Variants in HECW1 observed in about 807,000 individuals in gnomAD.
The protein encoded by HECW1 is HECT, C2 and WW domain containing E3 ubiquitin protein ligase 1.
In HECW1, 61 loss-of-function variants were observed where a neutral mutation model predicts 182.3. The observed-to-expected ratio is 0.33, with a 90% CI of 0.27 to 0.41. The LOEUF (loss-of-function observed/expected upper bound fraction) is 0.41, where lower values mean the gene tolerates loss of function less well. HECW1 is among the 10% of genes least tolerant of loss of function. HECW1 has a pLI of 1.00. For missense variants in HECW1, 1,739 were observed against 2,108.9 expected, an observed-to-expected ratio of 0.82 and a Z score of 3.44; for synonymous variants, 859 against 832.6, an observed-to-expected ratio of 1.03 and a Z score of -0.55.
chr7:43,320,575 C>A, intron 4 of HECW1, 60 bp from the exon 5 acceptor site: 2 of 1,170,450 alleles, frequency 1.7e-6, no homozygotes, highest in South Asian at 1.3e-5. Context: ...CTTTTATTCC[C>A]CTAAATATGC....
intron 2 of HECW1, among the ~76,000 whole-genome samples, chr7:43,219,533 C>G (rs967805236): frequency 2.6e-5 from 4 of 152,084 alleles, no homozygotes; most frequent in Non-Finnish European, 1.5e-5. Context: ...CAATTCCTGT[C>G]CCTTTAAAGG....
chr7:43,229,211 C>G (rs1364847019), intron 2 of HECW1, among the ~76,000 whole-genome samples: 2 of 152,134 alleles, frequency 1.3e-5, no homozygotes, highest in African/African-American at 2.4e-5. Flanking sequence ...CAGCTGACAC[C>G]AAATAGGAGT....
At chr7:43,304,750 T>C (rs961024256) in intron 3 of HECW1, among the ~76,000 whole-genome samples, 30 of 152,186 alleles carry the variant, frequency 2.0e-4, no homozygotes, top group Non-Finnish European at 2.4e-4. Context: ...CGCCTTGGCC[T>C]CCCAAAGTGT....
chr7:43,200,748 T>C (rs1158034800), intron 2 of HECW1, among the ~76,000 whole-genome samples: 1 of 152,206 alleles, frequency 6.6e-6, no homozygotes, highest in African/African-American at 2.4e-5. Context: ...AACAGGGTCT[T>C]CAAAACTTAT....
intron 16 of HECW1, among the ~76,000 whole-genome samples, chr7:43,478,028 T>C (rs997549418): frequency 1.3e-5 from 2 of 152,204 alleles, no homozygotes; most frequent in Admixed American, 1.3e-4. Flanking sequence ...AGGTAATAAC[T>C]TTCTCTTTTA....
At chr7:43,197,039 CA>C (rs1388812892) in intron 2 of HECW1, among the ~76,000 whole-genome samples, 1 of 151,876 alleles carries the variant, frequency 6.6e-6, no homozygotes, top group Non-Finnish European at 1.5e-5. Context: ...TCATATTATC[CA>C]ATAAATTAAA....
Position 43,120,190 on chromosome 7 carries a change from G to A in HECW1, c.-32+5799G>A, listed in dbSNP as rs888304648. ...TACAGGGCTTGCCTTGCCACTCTCC[G>A]AGTCCCCAGTTGTCCTTGCTCTTCC... is the stretch of plus-strand genomic sequence containing the variant. On this transcript the variant is annotated intron_variant, in intron 2 of 29. Coordinates refer to ENST00000395891, the MANE Select transcript of HECW1 (RefSeq NM_015052.5). Among the ~76,000 whole-genome samples, 7 of 152,170 alleles carry A rather than the reference G, an allele frequency of 4.6e-5. No individual in the cohort carries two copies. In the South Asian group the frequency reaches 1.0e-3, roughly 23 times the overall value.
Position 43,410,393 on chromosome 7 carries a change from C to T in HECW1, c.801+2662C>T, listed in dbSNP as rs116617191. Among the ~76,000 whole-genome samples, 703 of 152,072 alleles carry T rather than the reference C, an allele frequency of 4.6e-3. 7 individuals are homozygous for T. Among genetic ancestry groups the T allele is most frequent in the African/African-American group, 0.016 (648 of 41,470 alleles). On this transcript the variant is annotated intron_variant, in intron 8 of 29. Coordinates refer to ENST00000395891, the MANE Select transcript of HECW1 (RefSeq NM_015052.5). ...AGGACACTAATCCCATCGTGAGGAC[C>T]CTATCCTCATGACTCCTCTAAACGT...
At chr7:43,425,335 T>TAGATAGATAGAC (rs1554408945) in intron 8 of HECW1, among the ~76,000 whole-genome samples, 1 of 152,054 alleles carries the variant, frequency 6.6e-6, no homozygotes, top group Non-Finnish European at 1.5e-5. Context: ...GATAGATAGA[T>TAGATAGATAGAC]AGATAGATGC....
At chr7:43,344,385 A>C (rs1813408205) in intron 5 of HECW1, among the ~76,000 whole-genome samples, 1 of 149,344 alleles carries the variant, frequency 6.7e-6, no homozygotes, top group African/African-American at 2.6e-5. Context: ...TCCTTTCAGC[A>C]CTTTGAAGTT....
Position 43,486,291 on chromosome 7 carries a change from AT to A in HECW1, c.3235-5771del, listed in dbSNP as rs543408646. 2.3e-3 allele frequency among the ~76,000 whole-genome samples: 324 copies of A among 143,922 alleles called. 2 individuals are homozygous for A. The highest frequency in any genetic ancestry group is 4.6e-3 in the African/African-American group (180 of 39,418). 94.4% of individuals were successfully genotyped at this position (143,922 alleles called of 152,430 possible). A position where few individuals can be genotyped will look rare whatever the true frequency, so the allele number is the denominator to read the frequency against. ...ATTGATGGGCATTTGGGTTGGTTCG[AT>A]TTTTTTTTTTTTGAGATGGAGTCTC... is the stretch of plus-strand genomic sequence containing the variant. On this transcript the variant is annotated intron_variant, in intron 17 of 29. Transcript: ENST00000395891.
intron 3 of HECW1, among the ~76,000 whole-genome samples, chr7:43,258,926 G>A (rs913165987): frequency 6.6e-6 from 1 of 151,626 alleles, no homozygotes; most frequent in African/African-American, 2.4e-5. Context: ...ACCCCAGTTT[G>A]TTTTTTTTGT....
chr7:43,326,749 G>C (rs764209213), intron 5 of HECW1, among the ~76,000 whole-genome samples: 5 of 152,246 alleles, frequency 3.3e-5, no homozygotes, highest in Non-Finnish European at 7.3e-5. Flanking sequence ...AGAGTTTTCT[G>C]TGGGGAAACC....
chr7:43,537,653 T>C (rs561404628), intron 24 of HECW1, among the ~76,000 whole-genome samples: 3 of 152,260 alleles, frequency 2.0e-5, no homozygotes, highest in Non-Finnish European at 4.4e-5. Context: ...TGTATTTTGC[T>C]TTATACAAAT....
chr7:43,128,671 T>C lies in HECW1; in HGVS notation c.-32+14280T>C, dbSNP rs112562816. 2.6e-3 allele frequency among the ~76,000 whole-genome samples: 393 copies of C among 152,344 alleles called. 3 individuals are homozygous for C. The highest frequency in any genetic ancestry group is 9.0e-3 in the African/African-American group (374 of 41,580). On this transcript the variant is annotated intron_variant, in intron 2 of 29. Transcript: ENST00000395891. ...TCTTATTATTTAAGAAATACATTTC[T>C]TGATGCTATAGCTGCTGTAGACAGT...
At position 43,479,679 on chromosome 7, in the gene HECW1, C is replaced by T. The variant is rs768748485; in HGVS notation, c.3169C>T (p.Arg1057Cys). The T allele has an allele frequency of 8.1e-6, 13 of 1,614,064 alleles. No individual in the cohort carries two copies. The highest frequency in any genetic ancestry group is 2.2e-5 in the East Asian group (1 of 44,870). Reference sequence around the variant, plus strand: ...CCCCCGAATCCCTCTTCAGAACGGTCGTCTTCCCAATCATCTAACTCACCG... The same window carrying T: ...CCCCCGAATCCCTCTTCAGAACGGTTGTCTTCCCAATCATCTAACTCACCG... ...IDPRIPLQNG[R>C]LPNHLTHRQH... The change falls in exon 17 of 30, where the codon CGT becomes TGT. Residue 1057 changes from arginine to cysteine, a missense_variant. Arg to Cys is a radical substitution (Grantham distance 180). Around this residue, in one of 5 missense-constraint regions of HECW1, gnomAD observed 971 missense variants for 1,029.1 expected, o/e 0.94. Coordinates refer to ENST00000395891, the MANE Select transcript of HECW1 (RefSeq NM_015052.5).
chr7:43,119,703 C>T (rs1341345927), intron 2 of HECW1, among the ~76,000 whole-genome samples: 6 of 127,502 alleles, frequency 4.7e-5, no homozygotes, highest in African/African-American at 1.3e-4. Flanking sequence ...GCTCCCTAAA[C>T]GTGCTTCTCT....
At chr7:43,120,147 C>G (rs2152601944) in intron 2 of HECW1, among the ~76,000 whole-genome samples, 1 of 152,250 alleles carries the variant, frequency 6.6e-6, no homozygotes, top group Non-Finnish European at 1.5e-5. Flanking sequence ...GGATGAAACC[C>G]AAACTCCTTA....
chr7:43,244,315 C>T (rs1232015190), intron 3 of HECW1, among the ~76,000 whole-genome samples: 1 of 152,214 alleles, frequency 6.6e-6, no homozygotes, highest in Non-Finnish European at 1.5e-5. Flanking sequence ...GGCCTTGAGA[C>T]AAGAGCAACA....
Sources: allele counts gnomAD v4.1 joint callset (sites outside exome capture counted in the v4.1 genomes callset), GRCh38; gene constraint gnomAD v4.1.1; regional missense constraint gnomAD v4.1.1; transcripts MANE v1.5; gene names NCBI Gene and HGNC (gene_info 2026-07-23, HGNC 2026-07-21).